The following SPOCK1 variants were observed in gnomAD, a reference collection of about 807,000 sequenced individuals.
The protein encoded by SPOCK1 is testican-1.
Under a neutral mutation model 55.3 loss-of-function variants are expected in SPOCK1, and 23 were observed. The ratio of observed to expected loss-of-function variants is 0.42; its 90% CI spans 0.30 to 0.59. The LOEUF (loss-of-function observed/expected upper bound fraction) is 0.59, where lower values mean the gene tolerates loss of function less well. SPOCK1 is among the 20% of genes least tolerant of loss of function. SPOCK1 has a pLI of 0.22. For synonymous variants in SPOCK1, 226 were observed against 221.0 expected (o/e 1.02, Z -0.20); for missense variants, 499 against 552.5 (o/e 0.90, Z 0.97).
chr5:137,376,961 A>T (rs572249013), intron 2 of SPOCK1, among the ~76,000 whole-genome samples: 22 of 152,314 alleles, frequency 1.4e-4, no homozygotes, highest in Admixed American at 2.6e-4. Flanking sequence ...TTGCTGCAAT[A>T]TGGCACTTCG....
chr5:137,278,081 C>T (rs1255035916), intron 2 of SPOCK1, among the ~76,000 whole-genome samples: 2 of 152,176 alleles, frequency 1.3e-5, no homozygotes, highest in African/African-American at 4.8e-5. Flanking sequence ...TTTTCTTTAG[C>T]TGCAAAGTGA....
intron 2 of SPOCK1, among the ~76,000 whole-genome samples, chr5:137,491,153 A>G (rs1754168862): frequency 6.6e-6 from 1 of 152,178 alleles, no homozygotes; most frequent in Non-Finnish European, 1.5e-5. Context: ...TACAGAAGAA[A>G]CTGATGCTCT....
chr5:137,370,588 T>A (rs1751177501), intron 2 of SPOCK1, among the ~76,000 whole-genome samples: 1 of 152,198 alleles, frequency 6.6e-6, no homozygotes, highest in African/African-American at 2.4e-5. Context: ...TCATTCAATG[T>A]CCTGCGGCAA....
At chr5:137,356,477 G>A (rs1750802880) in intron 2 of SPOCK1, among the ~76,000 whole-genome samples, 1 of 151,598 alleles carries the variant, frequency 6.6e-6, no homozygotes, top group Non-Finnish European at 1.5e-5. Flanking sequence ...AGGAACCCAA[G>A]CAGATGGATA....
intron 1 of SPOCK1, 99 bp from the exon 2 acceptor site, chr5:137,498,657 C>T (rs1390028540): frequency 3.8e-6 from 4 of 1,058,242 alleles, no homozygotes; most frequent in Admixed American, 4.8e-5. Context: ...AGGCGGGGAC[C>T]CCGCGGCGGG....
At chr5:137,334,923 G>C (rs1289571026) in intron 2 of SPOCK1, among the ~76,000 whole-genome samples, 1 of 152,120 alleles carries the variant, frequency 6.6e-6, no homozygotes, top group African/African-American at 2.4e-5. Flanking sequence ...GTCACTAAGG[G>C]GGATACCACT....
intron 2 of SPOCK1, among the ~76,000 whole-genome samples, chr5:137,349,824 A>C (rs538840838): frequency 3.3e-5 from 5 of 152,282 alleles, no homozygotes; most frequent in African/African-American, 1.2e-4. Context: ...TAAGGACACC[A>C]GTCGTACTGG....
chr5:137,096,722 A>G (rs1753153733), intron 5 of SPOCK1, among the ~76,000 whole-genome samples: 1 of 152,234 alleles, frequency 6.6e-6, no homozygotes, highest in Admixed American at 6.5e-5. Flanking sequence ...GTCTGTAGTC[A>G]TAGTATCTTT....
intron 2 of SPOCK1, among the ~76,000 whole-genome samples, chr5:137,470,050 C>T (rs1561544136): frequency 6.6e-6 from 1 of 152,314 alleles, no homozygotes; most frequent in East Asian, 1.9e-4. Flanking sequence ...TGAAGCTCCA[C>T]CTCCCTTAGA....
At chr5:137,066,563 C>T (rs759687695) in intron 6 of SPOCK1, among the ~76,000 whole-genome samples, 8 of 152,176 alleles carry the variant, frequency 5.3e-5, no homozygotes, top group Admixed American at 2.0e-4. Flanking sequence ...TTCTGGGCTA[C>T]GTAGTTGCTT....
intron 6 of SPOCK1, among the ~76,000 whole-genome samples, chr5:137,046,807 C>T (rs1418268074): frequency 3.3e-5 from 1 of 30,584 alleles, no homozygotes; most frequent in Non-Finnish European, 8.5e-5. Flanking sequence ...TTTTGAAATA[C>T]GTCCCATCAA....
chr5:137,005,048 A>G (rs1403113455), intron 6 of SPOCK1, among the ~76,000 whole-genome samples: 1 of 152,218 alleles, frequency 6.6e-6, no homozygotes, highest in Non-Finnish European at 1.5e-5. Flanking sequence ...GGCTTGCCAT[A>G]AAGTACCACT....
At chr5:137,086,656 G>A (rs1439230202) in intron 5 of SPOCK1, among the ~76,000 whole-genome samples, 1 of 152,204 alleles carries the variant, frequency 6.6e-6, no homozygotes, top group Non-Finnish European at 1.5e-5. Flanking sequence ...AGTAGGTCAT[G>A]CAAGCAATGT....
At chr5:137,263,243 A>T (rs748192593) in intron 3 of SPOCK1, among the ~76,000 whole-genome samples, 1 of 152,230 alleles carries the variant, frequency 6.6e-6, no homozygotes. Flanking sequence ...TTACTGAAAG[A>T]CGCCTCAGAG....
intron 4 of SPOCK1, among the ~76,000 whole-genome samples, chr5:137,139,169 T>A (rs1468119391): frequency 6.6e-6 from 1 of 152,214 alleles, no homozygotes; most frequent in African/African-American, 2.4e-5. Context: ...CACATTATGA[T>A]ACCTTGCATC....
intron 4 of SPOCK1, among the ~76,000 whole-genome samples, chr5:137,133,339 C>T (rs1336796635): frequency 6.1e-5 from 9 of 148,446 alleles, no homozygotes; most frequent in African/African-American, 2.2e-4. Context: ...CACTGCACTC[C>T]AGCCTGGGTG....
chr5:137,040,524 G>A (rs566607412), intron 6 of SPOCK1, among the ~76,000 whole-genome samples: 27 of 152,326 alleles, frequency 1.8e-4, no homozygotes, highest in South Asian at 1.0e-3. Context: ...TGCCTGAGAC[G>A]TTTAGCAATA....
chr5:137,235,605 C>T (rs1756164964), intron 3 of SPOCK1, among the ~76,000 whole-genome samples: 1 of 152,236 alleles, frequency 6.6e-6, no homozygotes, highest in Admixed American at 6.5e-5. Context: ...GGTATACACA[C>T]ATGTGTGAGC....
chr5:137,189,794 C>T (rs1755142459), intron 3 of SPOCK1, among the ~76,000 whole-genome samples: 1 of 152,046 alleles, frequency 6.6e-6, no homozygotes, highest in Non-Finnish European at 1.5e-5. Context: ...AATTGAAAAC[C>T]TTCCGAAAAT....
Sources: gnomAD v4.1 joint callset for allele counts (sites outside exome capture counted in the v4.1 genomes callset) on GRCh38, gnomAD v4.1.1 for gene constraint, MANE v1.5 for transcripts, NCBI Gene and HGNC (gene_info 2026-07-23, HGNC 2026-07-21) for gene names.